The following ZBTB10 variants were observed in gnomAD, a reference collection of about 807,000 sequenced individuals.
ZBTB10 encodes the protein zinc finger and BTB domain-containing protein 10.
ZBTB10 carries 32 observed loss-of-function variants against 76.4 expected under a neutral mutation model. The observed-to-expected ratio is 0.42, with a 90% CI of 0.32 to 0.56. The LOEUF is 0.56. Among genes scored for constraint, ZBTB10 ranks in the 20% least tolerant of loss-of-function variants. The pLI is 0.14. For synonymous variants in ZBTB10, 523 were observed against 432.9 expected, an observed-to-expected ratio of 1.21 and a Z score of -2.58; for missense variants, 1,057 against 1,098.5, an observed-to-expected ratio of 0.96 and a Z score of 0.53.
Position 80,523,827 on chromosome 8 carries a change from C to T in ZBTB10, c.*4299C>T, listed in dbSNP as rs1401995708. 6.6e-6 allele frequency: 1 copy of T among 151,880 alleles called. No homozygotes were observed. The highest frequency in any genetic ancestry group is 1.9e-4 in the East Asian group (1 of 5,184). 9.4% of individuals were successfully genotyped at this position (151,880 alleles called of 1,614,324 possible). A position where few individuals can be genotyped will look rare whatever the true frequency, so the allele number is the denominator to read the frequency against. On this transcript the variant is annotated 3_prime_UTR_variant, in exon 6 of 6. Transcript: ENST00000455036. ...GGTTGAGGCCATTATTTAGTGGGAG[C>T]ATTGGCATTTTGAACACTGTAAACA... is the stretch of plus-strand genomic sequence containing the variant.
At chr8:80,489,366 GTTAT>G (rs1237774002) in intron 1 of ZBTB10, among the ~76,000 whole-genome samples, 1 of 152,220 alleles carries the variant, frequency 6.6e-6, no homozygotes, top group East Asian at 1.9e-4. Flanking sequence ...CATTCCTGAA[GTTAT>G]GTAGTAAGAT....
intron 1 of ZBTB10, among the ~76,000 whole-genome samples, chr8:80,492,935 C>T (rs898938382): frequency 1.3e-5 from 2 of 151,960 alleles, no homozygotes; most frequent in Admixed American, 6.5e-5. Context: ...AGGAGCCAGG[C>T]GCAGTGAGTG....
At chr8:80,509,977 A>G (rs1816149662) in intron 2 of ZBTB10, among the ~76,000 whole-genome samples, 1 of 152,134 alleles carries the variant, frequency 6.6e-6, no homozygotes, top group South Asian at 2.1e-4. Context: ...TCTCATGAAG[A>G]TATTATTTAA....
chr8:80,507,468 A>G (rs1369215433), intron 2 of ZBTB10, among the ~76,000 whole-genome samples: 1 of 151,982 alleles, frequency 6.6e-6, no homozygotes, highest in African/African-American at 2.4e-5. Flanking sequence ...AAAAAAAATT[A>G]GCCAGGCATG....
At chr8:80,495,081 A>G (rs896897090) in intron 1 of ZBTB10, among the ~76,000 whole-genome samples, 2 of 151,690 alleles carry the variant, frequency 1.3e-5, no homozygotes, top group East Asian at 1.9e-4. Context: ...TAAGGTGCCT[A>G]TAGCAATGGT....
Position 80,492,171 on chromosome 8 carries a change from T to C in ZBTB10, c.972+4389T>C, listed in dbSNP as rs553014348. 3.9e-5 allele frequency among the ~76,000 whole-genome samples: 6 copies of C among 152,294 alleles called. No individual in the cohort carries two copies. The South Asian group carries it at 8.3e-4, about 21-fold the overall frequency. ...ATTAAATTCCGTTGTTTCTTATTTA[T>C]ATATTTTACATTATTTATAATTTAT... is the stretch of plus-strand genomic sequence containing the variant. On this transcript the variant is annotated intron_variant, in intron 1 of 5. Coordinates refer to ENST00000455036, the MANE Select transcript of ZBTB10 (RefSeq NM_001105539.3).
intron 2 of ZBTB10, among the ~76,000 whole-genome samples, chr8:80,505,957 C>T (rs1310738073): frequency 1.4e-5 from 2 of 143,586 alleles, no homozygotes; most frequent in African/African-American, 5.2e-5. Context: ...GGTGAAGTCT[C>T]GCTTTGTTGC....
At chr8:80,497,217 GT>G (rs909324088) in intron 1 of ZBTB10, among the ~76,000 whole-genome samples, 37 of 148,582 alleles carry the variant, frequency 2.5e-4, no homozygotes, top group East Asian at 9.8e-4. Context: ...CAACATACTG[GT>G]TTTTTTTTTC....
chr8:80,519,181 T>C (rs1469268239), intron 5 of ZBTB10, 42 bp from the exon 6 acceptor site: 1 of 1,561,026 alleles, frequency 6.4e-7, no homozygotes, highest in Admixed American at 1.8e-5. Context: ...CATTCTATTA[T>C]ATATAATATC....
intron 1 of ZBTB10, among the ~76,000 whole-genome samples, chr8:80,490,148 A>G (rs1444430372): frequency 1.3e-5 from 2 of 152,216 alleles, no homozygotes; most frequent in Non-Finnish European, 2.9e-5. Context: ...TTTGCTCTTA[A>G]ATCTCTACTT....
At chr8:80,515,447 CCT>C (rs1563466879) in intron 3 of ZBTB10, among the ~76,000 whole-genome samples, 1 of 152,044 alleles carries the variant, frequency 6.6e-6, no homozygotes, top group African/African-American at 2.4e-5. Flanking sequence ...GGTGGTTTCC[CCT>C]GACTGTTTAA....
Position 80,513,926 on chromosome 8 carries a change from A to C in ZBTB10, c.1878A>C (p.Leu626=), listed in dbSNP as rs1431290481. ...CCTTTTCAGATTTAGATGGTGCTCT[A>C]CTCTCGGGGCCAGATGGTGATAGGA... The part of the protein sequence containing the change: ...IKEEPDLDGA[L]LSGPDGDRNV... The change falls in exon 3 of 6, where the codon CTA becomes CTC. Residue 626 remains leucine, a synonymous_variant. Coordinates refer to ENST00000455036, the MANE Select transcript of ZBTB10 (RefSeq NM_001105539.3). The C allele has an allele frequency of 2.5e-6, 4 of 1,613,148 alleles. No homozygotes were observed. Among genetic ancestry groups the C allele is most frequent in the African/African-American group, 1.3e-5 (1 of 74,934 alleles).
chr8:80,518,343 ACT>A, intron 3 of ZBTB10, 58 bp from the exon 4 acceptor site: 2 of 1,432,296 alleles, frequency 1.4e-6, no homozygotes, highest in East Asian at 2.5e-5. Context: ...CTGTTTTCTG[ACT>A]CTGATGAGAG....
At position 80,500,165 on chromosome 8, in the gene ZBTB10, A is replaced by C; in HGVS notation, c.1644A>C (p.Glu548Asp). ...WVQDGSPEMAENESEGQTKVF... is the reference protein window; with the variant it reads ...WVQDGSPEMADNESEGQTKVF... ...AGGATGGATCTCCTGAAATGGCTGA[A>C]AATGAATCTGAAGGTCAAACAAAAG... is the stretch of plus-strand genomic sequence containing the variant. The change falls in exon 2 of 6, where the codon GAA becomes GAC. Residue 548 changes from glutamate (E) to aspartate (D), a missense_variant. Physicochemically the swap from Glu to Asp is conservative, Grantham distance 45. Transcript: ENST00000455036. 1.2e-6 allele frequency: 2 copies of C among 1,612,778 alleles called. No homozygotes were observed. The highest frequency in any genetic ancestry group is 1.7e-6 in the Non-Finnish European group (2 of 1,179,162).
At position 80,504,623 on chromosome 8, in the gene ZBTB10, A is replaced by G. The variant is rs988679596; in HGVS notation, c.1861+4241A>G. The stretch of plus-strand genomic sequence containing the variant: ...GAATACTTTGAAGGTAGAACTCAGA[A>G]AAGTTAGAAATTTCTGTCCTAAGAG... On this transcript the variant is annotated intron_variant, in intron 2 of 5. Transcript: ENST00000455036. Among the ~76,000 whole-genome samples, 11 of 152,326 alleles carry G rather than the reference A, an allele frequency of 7.2e-5. No individual in the cohort carries two copies. The South Asian group carries it at 2.1e-3, about 29-fold the overall frequency.
chr8:80,500,159 G>C lies in ZBTB10; in HGVS notation c.1638G>C (p.Met546Ile), dbSNP rs747037945. The C allele has an allele frequency of 1.9e-6, 3 of 1,613,048 alleles. No individual in the cohort carries two copies. The highest frequency in any genetic ancestry group is 2.5e-6 in the Non-Finnish European group (3 of 1,179,356). ...GGGTCCAGGATGGATCTCCTGAAAT[G>C]GCTGAAAATGAATCTGAAGGTCAAA... ...SSWVQDGSPEMAENESEGQTK... is the reference protein window; with the variant it reads ...SSWVQDGSPEIAENESEGQTK... The change falls in exon 2 of 6, where the codon ATG becomes ATC. Residue 546 changes from methionine (M) to isoleucine (I), a missense_variant. Physicochemically the swap from Met to Ile is conservative, Grantham distance 10. Coordinates refer to ENST00000455036, the MANE Select transcript of ZBTB10 (RefSeq NM_001105539.3).
chr8:80,519,544 C>T lies in ZBTB10; in HGVS notation c.*16C>T. On this transcript the variant is annotated 3_prime_UTR_variant, in exon 6 of 6. Transcript: ENST00000455036. ...AGATGATTAACTGACCTACTATACTCCTCAAGGATGCTGCATTTGGACCTA... is the reference window on the plus strand; with the variant it reads ...AGATGATTAACTGACCTACTATACTTCTCAAGGATGCTGCATTTGGACCTA... The T allele has an allele frequency of 6.3e-7, 1 of 1,589,772 alleles. No individual in the cohort carries two copies. Among genetic ancestry groups the T allele is most frequent in the Non-Finnish European group, 8.6e-7 (1 of 1,166,616 alleles).
intron 1 of ZBTB10, among the ~76,000 whole-genome samples, chr8:80,492,579 A>G (rs148228424): frequency 1.3e-5 from 2 of 152,108 alleles, no homozygotes; most frequent in East Asian, 3.9e-4. Context: ...CCTGGGTTCA[A>G]GTGATTCTTC....
chr8:80,499,087 A>T (rs1440697476), intron 1 of ZBTB10, among the ~76,000 whole-genome samples: 2 of 152,202 alleles, frequency 1.3e-5, no homozygotes, highest in Admixed American at 1.3e-4. Context: ...TATAACTTGG[A>T]TATTTTAAGT....
Sources: allele counts gnomAD v4.1 joint callset (sites outside exome capture counted in the v4.1 genomes callset), GRCh38; gene constraint gnomAD v4.1.1; transcripts MANE v1.5; gene names NCBI Gene and HGNC (gene_info 2026-07-23, HGNC 2026-07-21).